The following CDH13 variants were observed in gnomAD, a reference collection of about 807,000 sequenced individuals.
CDH13 encodes cadherin-13.
Under a neutral mutation model 63.8 loss-of-function variants are expected in CDH13, and 24 were observed. The observed-to-expected ratio is 0.38, with a 90% CI of 0.27 to 0.53. The LOEUF is 0.53. CDH13 is among the 20% of genes least tolerant of loss of function. The pLI, the probability that CDH13 is intolerant of heterozygous loss-of-function variation, is 0.85. For synonymous variants in CDH13, 503 were observed against 355.3 expected (o/e 1.42, Z -4.67); for missense variants, 1,049 against 903.1 (o/e 1.16, Z -2.07).
intron 7 of CDH13, among the ~76,000 whole-genome samples, chr16:83,601,229 C>T (rs1907760817): frequency 6.6e-6 from 1 of 152,092 alleles, no homozygotes; most frequent in Non-Finnish European, 1.5e-5. Context: ...TGCTGCCTTA[C>T]CAGATGAATG....
rs1005221519 is a variant in CDH13 at position 82,744,649 on chromosome 16, C to T, written c.46-113713C>T. ...GAACAAAGATCTCCCCTCCCTACTA[C>T]TCCTGGATAAAAATCACAGCTAAGC... On this transcript the variant is annotated intron_variant, in intron 1 of 13. Coordinates refer to ENST00000567109, the MANE Select transcript of CDH13 (RefSeq NM_001257.5). 2.0e-5 allele frequency among the ~76,000 whole-genome samples: 3 copies of T among 152,138 alleles called. No homozygotes were observed. In the East Asian group the frequency reaches 5.8e-4, roughly 29 times the overall value.
rs572923886 is a variant in CDH13 at position 82,700,838 on chromosome 16, A to G, written c.45+73701A>G. Among the ~76,000 whole-genome samples, 128 of 151,722 alleles carry G rather than the reference A, an allele frequency of 8.4e-4. 1 individual carries two copies. The highest frequency in any genetic ancestry group is 2.9e-3 in the African/African-American group (120 of 41,392). On this transcript the variant is annotated intron_variant, in intron 1 of 13. Coordinates refer to ENST00000567109, the MANE Select transcript of CDH13 (RefSeq NM_001257.5). ...AAGTTGTGTTTTCTATATAGCCGCT[A>G]TCCCAAATGATTACTATTCAGAACA...
intron 6 of CDH13, among the ~76,000 whole-genome samples, chr16:83,365,538 C>A (rs536951095): frequency 1.2e-4 from 18 of 152,272 alleles, no homozygotes; most frequent in Admixed American, 5.9e-4. Flanking sequence ...TGATCTCCAC[C>A]TCCTGGCATT....
In CDH13 at chr16:83,263,038, G is replaced by A. The variant is rs752513829; in HGVS notation, c.636+45541G>A. Among the ~76,000 whole-genome samples, 19 of 152,300 alleles carry A rather than the reference G, an allele frequency of 1.2e-4. 1 individual carries two copies. The highest frequency in any genetic ancestry group is 9.6e-4 in the East Asian group (5 of 5,192). On this transcript the variant is annotated intron_variant, in intron 5 of 13. Transcript: ENST00000567109. The stretch of plus-strand genomic sequence containing the variant: ...CGATATTCTTAGAGCTTGGCAAACC[G>A]TCTGGTGTTCAAATACATTTTGTTA...
At chr16:82,794,961 T>C (rs989841178) in intron 1 of CDH13, among the ~76,000 whole-genome samples, 1 of 152,194 alleles carries the variant, frequency 6.6e-6, no homozygotes, top group Admixed American at 6.5e-5. Flanking sequence ...ACCATTATGC[T>C]GCATCCTCCC....
chr16:83,361,525 G>A (rs367604255), intron 6 of CDH13, among the ~76,000 whole-genome samples: 4 of 152,176 alleles, frequency 2.6e-5, no homozygotes, highest in African/African-American at 4.8e-5. Context: ...CCAGAATGGC[G>A]TTTCCTAGGT....
At position 83,798,590 on chromosome 16, in the gene CDH13, C is replaced by T. The variant is rs1179339026; in HGVS notation, c.*3560C>T. On this transcript the variant is annotated 3_prime_UTR_variant, in exon 14 of 14. Transcript: ENST00000567109. Reference sequence around the variant, plus strand: ...AAGGTAAGTGGCCTCCAGAACCAAACCTCAGGCTATCTGGCTCCAGGGTTC... The same window carrying T: ...AAGGTAAGTGGCCTCCAGAACCAAATCTCAGGCTATCTGGCTCCAGGGTTC... The T allele has an allele frequency of 6.6e-6, 1 of 152,146 alleles. No individual in the cohort carries two copies. Among genetic ancestry groups the T allele is most frequent in the Non-Finnish European group, 1.5e-5 (1 of 68,034 alleles). 9.4% of individuals were successfully genotyped at this position (152,146 alleles called of 1,614,324 possible).
intron 4 of CDH13, among the ~76,000 whole-genome samples, chr16:83,159,147 CAGT>C (rs2037340758): frequency 1.3e-5 from 2 of 151,868 alleles, no homozygotes; most frequent in Admixed American, 6.6e-5. Flanking sequence ...CATTTGCCCA[CAGT>C]AGAGGATTGA....
rs374479101 is a variant in CDH13 at position 83,196,828 on chromosome 16, G to A, written c.484-20517G>A. 1.9e-3 allele frequency among the ~76,000 whole-genome samples: 288 copies of A among 152,286 alleles called. 3 individuals are homozygous for A. The highest frequency in any genetic ancestry group is 6.6e-3 in the African/African-American group (276 of 41,566). On this transcript the variant is annotated intron_variant, in intron 4 of 13. Coordinates refer to ENST00000567109, the MANE Select transcript of CDH13 (RefSeq NM_001257.5). ...AAAGATGTGCAGAAACCATCACTCA[G>A]ACATTGCTGGTAGAAATGTAGAGTG...
At chr16:83,260,835 A>G (rs932246284) in intron 5 of CDH13, among the ~76,000 whole-genome samples, 1 of 152,140 alleles carries the variant, frequency 6.6e-6, no homozygotes, top group African/African-American at 2.4e-5. Context: ...ACTTGGATGA[A>G]GTTAAAAGTC....
Position 82,880,980 on chromosome 16 carries a change from C to A in CDH13, c.157+22507C>A, listed in dbSNP as rs368258637. On this transcript the variant is annotated intron_variant, in intron 2 of 13. Transcript: ENST00000567109. ...CAATTTTTAAAGCCTTTAGACATTA[C>A]CCCGTGGTGTCTAGTGTCTCTTCAT... Among the ~76,000 whole-genome samples the A allele has an allele frequency of 1.6e-4, 24 of 152,180 alleles. 1 individual carries two copies. Among genetic ancestry groups the A allele is most frequent in the East Asian group, 1.3e-3 (7 of 5,198 alleles).
intron 7 of CDH13, among the ~76,000 whole-genome samples, chr16:83,545,409 T>C (rs969729547): frequency 2.0e-5 from 3 of 152,234 alleles, no homozygotes; most frequent in African/African-American, 4.8e-5. Flanking sequence ...CTTCATTCTA[T>C]TGGGACACCA....
chr16:82,889,882 A>T (rs768850119), intron 2 of CDH13, among the ~76,000 whole-genome samples: 16 of 152,224 alleles, frequency 1.1e-4, no homozygotes, highest in Non-Finnish European at 2.4e-4. Context: ...ATTAAAAGAG[A>T]TGCTTGCTCA....
intron 6 of CDH13, among the ~76,000 whole-genome samples, chr16:83,345,569 A>G (rs753488182): frequency 6.6e-6 from 1 of 152,198 alleles, no homozygotes; most frequent in African/African-American, 2.4e-5. Context: ...AAGTCACTCA[A>G]GGTTACTATA....
chr16:83,247,871 A>C (rs1905121519), intron 5 of CDH13, among the ~76,000 whole-genome samples: 1 of 152,202 alleles, frequency 6.6e-6, no homozygotes, highest in Non-Finnish European at 1.5e-5. Flanking sequence ...TGTGCTTCCA[A>C]AGGACAGATG....
chr16:83,137,418 C>T (rs1328601910), intron 4 of CDH13, among the ~76,000 whole-genome samples: 1 of 152,206 alleles, frequency 6.6e-6, no homozygotes, highest in Non-Finnish European at 1.5e-5. Flanking sequence ...AGGTTAACCT[C>T]GCCAACATTT....
At chr16:83,224,370 G>A (rs1028751074) in intron 5 of CDH13, among the ~76,000 whole-genome samples, 4 of 150,852 alleles carry the variant, frequency 2.7e-5, no homozygotes, top group African/African-American at 9.8e-5. Context: ...TAGATACTCA[G>A]TAGTGGGACT....
chr16:83,137,094 G>T (rs1365623615), intron 4 of CDH13, among the ~76,000 whole-genome samples: 17 of 152,218 alleles, frequency 1.1e-4, no homozygotes, highest in Admixed American at 1.1e-3. Flanking sequence ...GGGGAGCTAC[G>T]CTTGAGTGAA....
intron 7 of CDH13, among the ~76,000 whole-genome samples, chr16:83,501,568 C>T (rs2074284616): frequency 6.6e-6 from 1 of 152,162 alleles, no homozygotes; most frequent in African/African-American, 2.4e-5. Context: ...GGCGTTTTTT[C>T]ATCCAGGCAT....
Sources: gnomAD v4.1 joint callset for allele counts (sites outside exome capture counted in the v4.1 genomes callset) on GRCh38, gnomAD v4.1.1 for gene constraint, MANE v1.5 for transcripts, NCBI Gene and HGNC (gene_info 2026-07-23, HGNC 2026-07-21) for gene names.